CNTN1: variants seen among roughly 807,000 people sequenced by gnomAD.
The protein encoded by CNTN1 is contactin 1.
Under a neutral mutation model 126.4 loss-of-function variants are expected in CNTN1, and 38 were observed. The ratio of observed to expected loss-of-function variants is 0.30; its 90% CI spans 0.23 to 0.39. The LOEUF (loss-of-function observed/expected upper bound fraction) is 0.39. Among genes scored for constraint, CNTN1 ranks in the 10% least tolerant of loss-of-function variants. The pLI is 1.00. For synonymous variants in CNTN1, 413 were observed against 422.6 expected (o/e 0.98, Z 0.28); for missense variants, 1,009 against 1,248.4 (o/e 0.81, Z 2.89).
At chr12:40,801,209 A>G (rs1160035762) in intron 1 of CNTN1, among the ~76,000 whole-genome samples, 1 of 151,958 alleles carries the variant, frequency 6.6e-6, no homozygotes, top group Admixed American at 6.6e-5. Context: ...GGTAAATGGT[A>G]ATTCAAAATT....
intron 3 of CNTN1, among the ~76,000 whole-genome samples, chr12:40,910,871 G>A (rs528688896): frequency 1.3e-5 from 2 of 152,260 alleles, no homozygotes; most frequent in African/African-American, 4.8e-5. Context: ...ATGATGGTAG[G>A]AGAATGAAAA....
intron 1 of CNTN1, among the ~76,000 whole-genome samples, chr12:40,892,886 A>G (rs35751491): frequency 0.034 from 5,093 of 150,340 alleles, 115 homozygotes; most frequent in Middle Eastern, 0.12. Context: ...AATATCAATC[A>G]TTACAAATTC....
chr12:41,038,824 G>C (rs1949329248), intron 23 of CNTN1, among the ~76,000 whole-genome samples: 1 of 152,086 alleles, frequency 6.6e-6, no homozygotes, highest in South Asian at 2.1e-4. Context: ...GTAAAGAGAG[G>C]TGGGAGAGAG....
chr12:40,966,966 T>A (rs774905342), intron 15 of CNTN1, among the ~76,000 whole-genome samples: 2 of 152,148 alleles, frequency 1.3e-5, no homozygotes, highest in African/African-American at 2.4e-5. Context: ...GGGTCTCTTA[T>A]AATCAAACTG....
At chr12:40,732,887 C>T (rs769147709) in intron 1 of CNTN1, among the ~76,000 whole-genome samples, 16 of 152,002 alleles carry the variant, frequency 1.1e-4, no homozygotes, top group Non-Finnish European at 2.1e-4. Flanking sequence ...ATAAATGAAG[C>T]AGGCATTTTT....
intron 1 of CNTN1, among the ~76,000 whole-genome samples, chr12:40,863,624 A>G (rs1943187890): frequency 6.6e-6 from 1 of 152,108 alleles, no homozygotes; most frequent in South Asian, 2.1e-4. Context: ...TGAGCAGCAG[A>G]TGTGCAAATA....
At chr12:40,693,010 C>A (rs1941341582) in intron 1 of CNTN1, among the ~76,000 whole-genome samples, 1 of 152,220 alleles carries the variant, frequency 6.6e-6, no homozygotes, top group South Asian at 2.1e-4. Flanking sequence ...CCGGCCCGCA[C>A]CTGCTCATCT....
intron 23 of CNTN1, among the ~76,000 whole-genome samples, chr12:41,039,032 C>T (rs193100504): frequency 1.9e-4 from 29 of 152,256 alleles, no homozygotes; most frequent in South Asian, 1.5e-3. Context: ...GAGACCAGTA[C>T]GGCTGGGGCC....
intron 1 of CNTN1, among the ~76,000 whole-genome samples, chr12:40,778,905 G>C (rs1449698019): frequency 6.6e-6 from 1 of 151,626 alleles, no homozygotes; most frequent in Non-Finnish European, 1.5e-5. Flanking sequence ...AACTATTTTT[G>C]GTTGATAGTC....
At chr12:40,843,666 G>A (rs1476465306) in intron 1 of CNTN1, among the ~76,000 whole-genome samples, 1 of 152,138 alleles carries the variant, frequency 6.6e-6, no homozygotes, top group African/African-American at 2.4e-5. Context: ...CCCATATTGT[G>A]ACCCACTCAT....
intron 1 of CNTN1, among the ~76,000 whole-genome samples, chr12:40,750,050 C>T (rs1301922531): frequency 1.3e-5 from 2 of 151,934 alleles, no homozygotes; most frequent in African/African-American, 4.8e-5. Flanking sequence ...AGAGCTATTT[C>T]CTGGAGTGTT....
chr12:41,000,990 T>A (rs1354208536), intron 17 of CNTN1, among the ~76,000 whole-genome samples: 1 of 152,220 alleles, frequency 6.6e-6, no homozygotes. Flanking sequence ...TGCATAGTAT[T>A]CCATGGTGTA....
At chr12:40,987,073 G>T (rs1566094072) in intron 16 of CNTN1, among the ~76,000 whole-genome samples, 1 of 152,038 alleles carries the variant, frequency 6.6e-6, no homozygotes, top group Non-Finnish European at 1.5e-5. Context: ...TCTATGTGTT[G>T]TTTTTGTTAG....
At chr12:40,959,084 G>T (rs1266466362) in intron 14 of CNTN1, 30 bp from the exon 15 acceptor site, 2 of 1,611,130 alleles carry the variant, frequency 1.2e-6, no homozygotes, top group Non-Finnish European at 8.5e-7. Context: ...AAAATGTACT[G>T]ATTTGAATAA....
chr12:40,851,886 C>T (rs1409898679), intron 1 of CNTN1, among the ~76,000 whole-genome samples: 2 of 152,092 alleles, frequency 1.3e-5, no homozygotes, highest in Admixed American at 6.5e-5. Flanking sequence ...GATGGCATTT[C>T]ATAGGACATA....
intron 18 of CNTN1, among the ~76,000 whole-genome samples, chr12:41,014,647 A>G (rs1948738862): frequency 6.6e-6 from 1 of 152,192 alleles, no homozygotes; most frequent in Non-Finnish European, 1.5e-5. Flanking sequence ...GATTCCATTT[A>G]CAAACTTTGT....
intron 21 of CNTN1, among the ~76,000 whole-genome samples, 195 bp from the exon 22 acceptor site, chr12:41,027,662 C>G (rs1184062907): frequency 6.6e-6 from 1 of 152,132 alleles, no homozygotes; most frequent in Non-Finnish European, 1.5e-5. Context: ...TTACCTAGCT[C>G]ACAGGGCCAT....
intron 14 of CNTN1, among the ~76,000 whole-genome samples, chr12:40,946,505 A>T (rs760951939): frequency 1.3e-5 from 2 of 152,144 alleles, no homozygotes; most frequent in Non-Finnish European, 2.9e-5. Flanking sequence ...AAAACACTGA[A>T]ATAGACATGG....
intron 1 of CNTN1, among the ~76,000 whole-genome samples, chr12:40,787,683 A>C (rs965659974): frequency 5.5e-5 from 3 of 54,928 alleles, no homozygotes; most frequent in East Asian, 4.5e-4. Context: ...ATGAAGAATA[A>C]AATAAAATAA....
Sources: allele counts gnomAD v4.1 joint callset (sites outside exome capture counted in the v4.1 genomes callset), GRCh38; gene constraint gnomAD v4.1.1; transcripts MANE v1.5; gene names NCBI Gene and HGNC (gene_info 2026-07-23, HGNC 2026-07-21).